The following SLC24A2 variants were observed in gnomAD, a reference collection of about 807,000 sequenced individuals.
SLC24A2 encodes the protein solute carrier family 24 member 2, also known as sodium/potassium/calcium exchanger 2.
SLC24A2 carries 36 observed loss-of-function variants against 62.0 expected under a neutral mutation model. The ratio of observed to expected loss-of-function variants is 0.58; its 90% CI spans 0.44 to 0.77. SLC24A2 has a LOEUF of 0.77. Ranked by LOEUF, SLC24A2 falls within the 30% of genes least tolerant of loss-of-function variation. The pLI is 0.00. For missense variants in SLC24A2, 846 were observed against 817.9 expected (o/e 1.03, Z -0.42); for synonymous variants, 358 against 294.0 (o/e 1.22, Z -2.23).
At chr9:19,788,575 C>T in intron 1 of SLC24A2, 3 of 985,440 alleles carry the variant, frequency 3.0e-6, no homozygotes, top group Non-Finnish European at 3.6e-6. Context: ...GCGCTTGGCC[C>T]GCATCCCCCT....
chr9:19,946,666 C>A, the SLC24A2 span, among the ~76,000 whole-genome samples: 8 of 152,330 alleles, frequency 5.3e-5, no homozygotes, highest in East Asian at 1.5e-3. Context: ...CCAGCAGATG[C>A]CAGCACTTCC....
intron 9 of SLC24A2, among the ~76,000 whole-genome samples, chr9:19,526,306 T>A (rs1316821197): frequency 6.6e-6 from 1 of 152,226 alleles, no homozygotes; most frequent in Admixed American, 6.5e-5. Context: ...AATGCTACTT[T>A]GAACATTTGT....
At chr9:19,679,836 T>C (rs1184575449) in intron 2 of SLC24A2, among the ~76,000 whole-genome samples, 4 of 130,072 alleles carry the variant, frequency 3.1e-5, no homozygotes, top group Admixed American at 1.6e-4. Context: ...TCCTCACATA[T>C]ACTGTGTGTG....
At chr9:19,544,255 CTT>C (rs375479154) in intron 8 of SLC24A2, among the ~76,000 whole-genome samples, 1 of 124,044 alleles carries the variant, frequency 8.1e-6, no homozygotes, top group Admixed American at 8.3e-5. Flanking sequence ...GCAACCCCTG[CTT>C]TTTTTTTTTT....
At chr9:19,779,458 G>T (rs564539009) in intron 2 of SLC24A2, among the ~76,000 whole-genome samples, 31 of 152,280 alleles carry the variant, frequency 2.0e-4, no homozygotes, top group African/African-American at 7.0e-4. Flanking sequence ...TATTATTATC[G>T]AAATTGGACG....
chr9:20,194,573 CCAGCAATATCAAATTGAATAT>C, the SLC24A2 span, among the ~76,000 whole-genome samples: 1 of 152,022 alleles, frequency 6.6e-6, no homozygotes, highest in Non-Finnish European at 1.5e-5. Context: ...AAAAGAAATG[CCAGCAATATCAAATTGAATAT>C]CAGGTAGCTT....
chr9:19,639,128 C>T (rs1479705984), intron 2 of SLC24A2, among the ~76,000 whole-genome samples: 4 of 149,548 alleles, frequency 2.7e-5, no homozygotes, highest in East Asian at 2.0e-4. Flanking sequence ...CCAACAACAA[C>T]AAAAATTCTC....
chr9:19,873,179 G>T, the SLC24A2 span, among the ~76,000 whole-genome samples: 1 of 147,938 alleles, frequency 6.8e-6, no homozygotes. Context: ...TCTAAGTAAG[G>T]TGTCCCTTCC....
At chr9:20,187,468 A>T in the SLC24A2 span, among the ~76,000 whole-genome samples, 1 of 152,036 alleles carries the variant, frequency 6.6e-6, no homozygotes, top group African/African-American at 2.4e-5. Flanking sequence ...GATCACGCTC[A>T]CTTTGCCTAC....
At chr9:20,292,838 C>A in the SLC24A2 span, among the ~76,000 whole-genome samples, 1 of 152,226 alleles carries the variant, frequency 6.6e-6, no homozygotes, top group South Asian at 2.1e-4. Flanking sequence ...AATCCTCCTG[C>A]CTTGGCCTCC....
chr9:20,126,221 A>G, the SLC24A2 span, among the ~76,000 whole-genome samples: 2 of 152,190 alleles, frequency 1.3e-5, no homozygotes, highest in Non-Finnish European at 2.9e-5. Context: ...GTGTGAAAAC[A>G]TATCTTTCTT....
At chr9:19,755,547 AAG>A (rs1362147331) in intron 2 of SLC24A2, among the ~76,000 whole-genome samples, 2 of 152,194 alleles carry the variant, frequency 1.3e-5, no homozygotes, top group Non-Finnish European at 2.9e-5. Flanking sequence ...AAGTATGACA[AAG>A]AGGGGAAATT....
chr9:19,863,173 A>C, the SLC24A2 span, among the ~76,000 whole-genome samples: 1 of 152,050 alleles, frequency 6.6e-6, no homozygotes, highest in Non-Finnish European at 1.5e-5. Flanking sequence ...TAAAGGGGTC[A>C]ATTCAGCAAG....
chr9:20,236,368 A>G, the SLC24A2 span, among the ~76,000 whole-genome samples: 2 of 152,234 alleles, frequency 1.3e-5, no homozygotes, highest in Non-Finnish European at 2.9e-5. Context: ...AATGTCTTTC[A>G]TTATACAGAA....
chr9:20,145,338 A>G, the SLC24A2 span, among the ~76,000 whole-genome samples: 3 of 152,082 alleles, frequency 2.0e-5, no homozygotes, highest in South Asian at 4.2e-4. Flanking sequence ...CATGGGGGAT[A>G]TAACATTTTT....
intron 2 of SLC24A2, among the ~76,000 whole-genome samples, chr9:19,717,681 A>G (rs942485691): frequency 6.6e-6 from 1 of 152,206 alleles, no homozygotes; most frequent in African/African-American, 2.4e-5. Context: ...TTCTGGGCCT[A>G]ATCTATTGCT....
chr9:20,226,086 AC>A, the SLC24A2 span, among the ~76,000 whole-genome samples: 1 of 152,140 alleles, frequency 6.6e-6, no homozygotes, highest in South Asian at 2.1e-4. Context: ...AGAATCAACC[AC>A]ATTGGAGAAA....
chr9:19,645,254 G>C (rs1818609133), intron 2 of SLC24A2, among the ~76,000 whole-genome samples: 2 of 152,160 alleles, frequency 1.3e-5, no homozygotes, highest in South Asian at 4.1e-4. Flanking sequence ...CATTTGTAAA[G>C]ACCAAGCTAT....
Position 19,509,146 on chromosome 9 carries a change from T to C in SLC24A2, c.*7007A>G, listed in dbSNP as rs1589105873. On this transcript the variant is annotated 3_prime_UTR_variant, in exon 11 of 11. Coordinates refer to ENST00000341998, the MANE Select transcript of SLC24A2 (RefSeq NM_020344.4). ...TGCTAATTATCTATTTCATTTTCCATATGGGTGAACTTTGCTTTATATAAC... is the reference window on the plus strand; with the variant it reads ...TGCTAATTATCTATTTCATTTTCCACATGGGTGAACTTTGCTTTATATAAC... 6.6e-6 allele frequency: 1 copy of C among 152,180 alleles called. No homozygotes were observed. Among genetic ancestry groups the C allele is most frequent in the East Asian group, 1.9e-4 (1 of 5,200 alleles). 9.4% of individuals were successfully genotyped at this position (152,180 alleles called of 1,614,324 possible).
Sources: gnomAD v4.1 joint callset for allele counts (sites outside exome capture counted in the v4.1 genomes callset) on GRCh38, gnomAD v4.1.1 for gene constraint, MANE v1.5 for transcripts, NCBI Gene and HGNC (gene_info 2026-07-23, HGNC 2026-07-21) for gene names.